RASEF: variants seen among roughly 807,000 people sequenced by gnomAD.
RASEF encodes RAS and EF-hand domain containing, also known as ras and EF-hand domain-containing protein.
RASEF carries 68 observed loss-of-function variants against 90.1 expected under a neutral mutation model. The ratio of observed to expected loss-of-function variants is 0.75; its 90% confidence interval spans 0.62 to 0.92. RASEF has a LOEUF of 0.92. Ranked by LOEUF, RASEF falls within the 40% of genes least tolerant of loss-of-function variation. RASEF has a pLI of 0.00. For missense variants in RASEF, 949 were observed against 937.2 expected (o/e 1.01, Z -0.16); for synonymous variants, 331 against 345.2 (o/e 0.96, Z 0.46).
At chr9:82,992,717 G>A (rs989507821) in intron 15 of RASEF, among the ~76,000 whole-genome samples, 189 bp downstream of exon 15, 3 of 152,110 alleles carry the variant, frequency 2.0e-5, no homozygotes, top group Non-Finnish European at 4.4e-5. Context: ...TTTTCCCAAG[G>A]GACTTAATCC....
chr9:83,164,605 C>T, the RASEF span, among the ~76,000 whole-genome samples: 3,964 of 147,736 alleles, frequency 0.027, 95 homozygotes, highest in Non-Finnish European at 0.039. Context: ...CAAATTAGAA[C>T]CACCAAGGAA....
the RASEF span, among the ~76,000 whole-genome samples, chr9:83,180,604 C>T: frequency 2.0e-5 from 3 of 151,554 alleles, no homozygotes; most frequent in Non-Finnish European, 4.4e-5. Flanking sequence ...ATCATTAAAG[C>T]TAAGAAAAGG....
At chr9:83,215,457 G>A in the RASEF span, among the ~76,000 whole-genome samples, 1 of 152,192 alleles carries the variant, frequency 6.6e-6, no homozygotes, top group Non-Finnish European at 1.5e-5. Flanking sequence ...CTACCACAGG[G>A]CTGGAGCCTA....
the RASEF span, among the ~76,000 whole-genome samples, chr9:83,085,258 A>T: frequency 6.6e-6 from 1 of 152,182 alleles, no homozygotes; most frequent in Non-Finnish European, 1.5e-5. Flanking sequence ...ATTCTGTATA[A>T]ATTCAGTTAT....
intron 5 of RASEF, among the ~76,000 whole-genome samples, chr9:83,011,660 T>A (rs1829249579): frequency 6.6e-6 from 1 of 151,342 alleles, no homozygotes; most frequent in Non-Finnish European, 1.5e-5. Flanking sequence ...TAAATAAGTC[T>A]TAAGGTATCA....
chr9:83,066,204 C>A (rs149466138), upstream of RASEF, among the ~76,000 whole-genome samples: 1,168 of 152,330 alleles, frequency 7.7e-3, 16 homozygotes, highest in African/African-American at 0.027. Flanking sequence ...TAGCTCCTTA[C>A]TATCAGGACA....
chr9:83,009,774 T>TG lies in RASEF; in HGVS notation c.844-19dup. 1 of 1,492,700 alleles carries TG rather than the reference T, an allele frequency of 6.7e-7. No homozygotes were observed. Among genetic ancestry groups the TG allele is most frequent in the Non-Finnish European group, 9.3e-7 (1 of 1,069,978 alleles). The allele number at this position is 1,492,700 out of a possible 1,614,324, so 92.5% of individuals were successfully genotyped here. A position where few individuals can be genotyped will look rare whatever the true frequency, so the allele number is the denominator to read the frequency against. ...TGGTTTTCCTGGATAAAATGAAAAGTGGGGGTCATTAGATTCAGATTTTCC... is the reference window on the plus strand; with the variant it reads ...TGGTTTTCCTGGATAAAATGAAAAGTGGGGGGTCATTAGATTCAGATTTTCC... On this transcript the variant is annotated intron_variant, in intron 5 of 16. Transcript: ENST00000376447.
chr9:83,099,302 C>A, the RASEF span, among the ~76,000 whole-genome samples: 1 of 152,138 alleles, frequency 6.6e-6, no homozygotes. Flanking sequence ...GCATGTTTTT[C>A]TTCCATGATG....
intron 3 of RASEF, among the ~76,000 whole-genome samples, chr9:83,017,140 T>G (rs1829356106): frequency 6.6e-6 from 1 of 152,118 alleles, no homozygotes; most frequent in South Asian, 2.1e-4. Context: ...TGCAAGTCCC[T>G]TCATTAGATC....
At chr9:83,058,727 C>T (rs981605060) in intron 1 of RASEF, among the ~76,000 whole-genome samples, 1 of 152,208 alleles carries the variant, frequency 6.6e-6, no homozygotes, top group African/African-American at 2.4e-5. Context: ...AATGGGATTG[C>T]TGTCCAATGG....
At chr9:83,166,782 C>T in the RASEF span, among the ~76,000 whole-genome samples, 2 of 152,172 alleles carry the variant, frequency 1.3e-5, no homozygotes, top group African/African-American at 4.8e-5. Context: ...TCAGTGACCA[C>T]CATTCACATT....
At chr9:83,206,333 T>C in the RASEF span, among the ~76,000 whole-genome samples, 1 of 152,252 alleles carries the variant, frequency 6.6e-6, no homozygotes, top group Non-Finnish European at 1.5e-5. Context: ...GCATTCAAAC[T>C]GGAAAGGCAA....
At chr9:83,082,573 T>C in the RASEF span, among the ~76,000 whole-genome samples, 1 of 152,146 alleles carries the variant, frequency 6.6e-6, no homozygotes, top group Admixed American at 6.5e-5. Flanking sequence ...AACAATTTTT[T>C]ATCCAGATAG....
chr9:83,217,473 T>C, the RASEF span, among the ~76,000 whole-genome samples: 1 of 152,138 alleles, frequency 6.6e-6, no homozygotes, highest in Non-Finnish European at 1.5e-5. Flanking sequence ...CCCCACGTCA[T>C]GGGAGGGACC....
At chr9:83,041,408 A>G (rs766843637) in intron 1 of RASEF, among the ~76,000 whole-genome samples, 13 of 152,262 alleles carry the variant, frequency 8.5e-5, no homozygotes, top group Non-Finnish European at 1.6e-4. Context: ...AGATAAATCA[A>G]TAACAGTGTC....
At chr9:83,091,331 A>G in the RASEF span, among the ~76,000 whole-genome samples, 4 of 152,318 alleles carry the variant, frequency 2.6e-5, no homozygotes, top group Admixed American at 2.6e-4. Flanking sequence ...AGGCAGGTGG[A>G]TCACTTGAGA....
At chr9:83,144,018 G>A in the RASEF span, among the ~76,000 whole-genome samples, 25,032 of 151,964 alleles carry the variant, frequency 0.16, 2,143 homozygotes, top group East Asian at 0.23. Context: ...GGTTGGAGGT[G>A]GAGGCCATTA....
At chr9:83,008,844 C>A (rs990454122) in intron 6 of RASEF, among the ~76,000 whole-genome samples, 2 of 132,720 alleles carry the variant, frequency 1.5e-5, no homozygotes, top group Non-Finnish European at 3.1e-5. Flanking sequence ...GTTGTTAAAC[C>A]CTATAATCTT....
the RASEF span, among the ~76,000 whole-genome samples, chr9:83,112,342 A>G: frequency 6.6e-6 from 1 of 152,228 alleles, no homozygotes; most frequent in Non-Finnish European, 1.5e-5. Flanking sequence ...GAAACCATAC[A>G]AATATCCGTT....
Sources: allele counts gnomAD v4.1 joint callset (sites outside exome capture counted in the v4.1 genomes callset), GRCh38; gene constraint gnomAD v4.1.1; transcripts MANE v1.5; gene names NCBI Gene and HGNC (gene_info 2026-07-23, HGNC 2026-07-21).